Variants in STK32B observed in about 807,000 individuals in gnomAD.
STK32B encodes the protein serine/threonine kinase 32B.
Under a neutral mutation model 52.6 loss-of-function variants are expected in STK32B, and 43 were observed. The observed-to-expected ratio is 0.82, with a 90% CI of 0.64 to 1.05. The LOEUF is 1.05. STK32B is among the 50% of genes least tolerant of loss of function. The pLI is 0.00. For synonymous variants in STK32B, 238 were observed against 204.3 expected (o/e 1.17, Z -1.41); for missense variants, 621 against 534.6 (o/e 1.16, Z -1.59).
In STK32B at chr4:5,317,295, A is replaced by ATATAACATATAACAT. The variant is rs1560313699; in HGVS notation, c.261-13925_261-13924insTATAACATATAACAT. On this transcript the variant is annotated intron_variant, in intron 3 of 11. Coordinates refer to ENST00000282908, the MANE Select transcript of STK32B (RefSeq NM_018401.3). ...AATATATAACATATAACATATATATAATATATAATATATAACATATGTATA... is the reference window on the plus strand; with the variant it reads ...AATATATAACATATAACATATATATATATAACATATAACATATATATAATATATAACATATGTATA... Among the ~76,000 whole-genome samples, 4 of 37,872 alleles carry ATATAACATATAACAT rather than the reference A, an allele frequency of 1.1e-4. 1 individual carries two copies. Among genetic ancestry groups the ATATAACATATAACAT allele is most frequent in the African/African-American group, 6.3e-4 (3 of 4,758 alleles). The allele number at this position is 37,872 out of a possible 152,430, so 24.8% of individuals were successfully genotyped here. A position where few individuals can be genotyped will look rare whatever the true frequency, so the allele number is the denominator to read the frequency against.
At chr4:5,186,583 A>G (rs1251526932) in intron 3 of STK32B, among the ~76,000 whole-genome samples, 1 of 152,140 alleles carries the variant, frequency 6.6e-6, no homozygotes, top group Non-Finnish European at 1.5e-5. Flanking sequence ...CTTAAAAACT[A>G]TAGAGATTTC....
At chr4:5,079,803 C>T (rs367582676) in intron 1 of STK32B, among the ~76,000 whole-genome samples, 18 of 152,106 alleles carry the variant, frequency 1.2e-4, no homozygotes, top group African/African-American at 3.9e-4. Context: ...GGACTATTGC[C>T]ATTTGCTACA....
the STK32B span, among the ~76,000 whole-genome samples, chr4:5,023,534 C>A: frequency 6.6e-6 from 1 of 152,140 alleles, no homozygotes; most frequent in African/African-American, 2.4e-5. Flanking sequence ...CTGGTGCAGG[C>A]CTTCAAATCC....
chr4:5,498,758 C>T lies in STK32B; in HGVS notation c.1107-187C>T, dbSNP rs571071847. 3.9e-5 allele frequency among the ~76,000 whole-genome samples: 6 copies of T among 152,350 alleles called. No homozygotes were observed. In the South Asian group the frequency reaches 1.0e-3, roughly 26 times the overall value. ...AACTCACCCAAGTGCACCTGAGCTG[C>T]GCTTTGATCCGAGGCCCATCTGGCT... On this transcript the variant is annotated intron_variant, in intron 11 of 11. Transcript: ENST00000282908.
intron 3 of STK32B, among the ~76,000 whole-genome samples, chr4:5,293,844 T>C (rs1246933827): frequency 6.6e-6 from 1 of 152,178 alleles, no homozygotes; most frequent in African/African-American, 2.4e-5. Context: ...CTTAGTGTTT[T>C]AGTCATGAAG....
Position 5,211,847 on chromosome 4 carries a change from C to T in STK32B, c.260+43397C>T, listed in dbSNP as rs1031445841. On this transcript the variant is annotated intron_variant, in intron 3 of 11. Coordinates refer to ENST00000282908, the MANE Select transcript of STK32B (RefSeq NM_018401.3). ...TCACGCAAGCTCTAAAATGATCAAG[C>T]GACAAGTCTCTCTGATTTTGTTTTT... 1.9e-4 allele frequency among the ~76,000 whole-genome samples: 29 copies of T among 152,286 alleles called. 1 individual carries two copies. The South Asian group carries it at 4.8e-3, about 25-fold the overall frequency.
At position 5,068,582 on chromosome 4, in the gene STK32B, T is replaced by C. The variant is rs761147676; in HGVS notation, c.52+16667T>C. On this transcript the variant is annotated intron_variant, in intron 1 of 11. Coordinates refer to ENST00000282908, the MANE Select transcript of STK32B (RefSeq NM_018401.3). Reference sequence around the variant, plus strand: ...TTGGTCTCACTTCTTTCTGTATAACTGAAAAGCTCTTTCCCTCATGTTGGC... The same window carrying C: ...TTGGTCTCACTTCTTTCTGTATAACCGAAAAGCTCTTTCCCTCATGTTGGC... Among the ~76,000 whole-genome samples the C allele has an allele frequency of 7.9e-5, 12 of 152,122 alleles. 1 individual carries two copies. The highest frequency in any genetic ancestry group is 1.2e-4 in the African/African-American group (5 of 41,434).
intron 1 of STK32B, among the ~76,000 whole-genome samples, chr4:5,117,535 T>A (rs1423114967): frequency 1.3e-5 from 2 of 152,216 alleles, no homozygotes; most frequent in Non-Finnish European, 2.9e-5. Flanking sequence ...TGTTTCATTT[T>A]ATTGGCTTTT....
chr4:5,216,604 C>T (rs1358449063), intron 3 of STK32B, among the ~76,000 whole-genome samples: 1 of 152,128 alleles, frequency 6.6e-6, no homozygotes, highest in Non-Finnish European at 1.5e-5. Flanking sequence ...CTAATGAGAA[C>T]AGCATGGATG....
chr4:5,120,071 A>G (rs1714941526), intron 1 of STK32B, among the ~76,000 whole-genome samples: 1 of 152,234 alleles, frequency 6.6e-6, no homozygotes, highest in African/African-American at 2.4e-5. Context: ...TCTTCTAAGT[A>G]GCGTGATGAA....
intron 1 of STK32B, among the ~76,000 whole-genome samples, chr4:5,122,075 C>T (rs1266789207): frequency 1.3e-5 from 2 of 152,110 alleles, no homozygotes; most frequent in Non-Finnish European, 2.9e-5. Context: ...AATTCACATA[C>T]TCATTCTCTC....
At chr4:5,423,618 T>C (rs147560904) in intron 6 of STK32B, among the ~76,000 whole-genome samples, 6,756 of 152,322 alleles carry the variant, frequency 0.044, 213 homozygotes, top group Non-Finnish European at 0.068. Flanking sequence ...CCCTGCCTTA[T>C]GGAGCTCACA....
the STK32B span, among the ~76,000 whole-genome samples, chr4:5,021,143 A>G: frequency 1.4e-4 from 21 of 152,334 alleles, no homozygotes; most frequent in South Asian, 3.3e-3. Context: ...ATTTGCCAGG[A>G]GAAATCCCTT....
intron 11 of STK32B, among the ~76,000 whole-genome samples, chr4:5,484,531 A>G (rs1311351577): frequency 6.6e-6 from 1 of 151,388 alleles, no homozygotes; most frequent in Non-Finnish European, 1.5e-5. Flanking sequence ...ATAGGTCTTG[A>G]CTCTTTATCC....
rs1577619930 is a variant in STK32B at position 5,058,494 on chromosome 4, A to G, written c.52+6579A>G. On this transcript the variant is annotated intron_variant, in intron 1 of 11. Transcript: ENST00000282908. This position sits in a 1 kb window ranked among gnomAD's most constrained non-coding sequence, Gnocchi z 4.8. Reference sequence around the variant, plus strand: ...GAGAACAACATGGATCAGAGATCACACTCACTGCTAGCCAGCCTGCACTGA... The same window carrying G: ...GAGAACAACATGGATCAGAGATCACGCTCACTGCTAGCCAGCCTGCACTGA... Among the ~76,000 whole-genome samples the G allele has an allele frequency of 6.6e-6, 1 of 152,188 alleles. No homozygotes were observed. Among genetic ancestry groups the G allele is most frequent in the Admixed American group, 6.5e-5 (1 of 15,276 alleles).
chr4:5,029,626 C>G, the STK32B span, among the ~76,000 whole-genome samples: 1 of 152,158 alleles, frequency 6.6e-6, no homozygotes, highest in East Asian at 1.9e-4. Flanking sequence ...AGCCGGTCCT[C>G]CCCGACGGCT....
At position 5,317,109 on chromosome 4, in the gene STK32B, A is replaced by C. The variant is rs1297069991; in HGVS notation, c.261-14111A>C. Among the ~76,000 whole-genome samples the C allele has an allele frequency of 3.1e-4, 11 of 36,036 alleles. No homozygotes were observed. The South Asian group carries it at 6.0e-3, about 20-fold the overall frequency. 23.6% of individuals were successfully genotyped at this position (36,036 alleles called of 152,430 possible). On this transcript the variant is annotated intron_variant, in intron 3 of 11. Coordinates refer to ENST00000282908, the MANE Select transcript of STK32B (RefSeq NM_018401.3). ...ATATAATATATATGATATAATATAT[A>C]ATATATATAATACATTATAATATAT...
intron 3 of STK32B, among the ~76,000 whole-genome samples, chr4:5,264,351 A>T (rs1312537517): frequency 2.0e-5 from 3 of 151,938 alleles, no homozygotes; most frequent in Admixed American, 6.6e-5. Context: ...GTGCTTTGGT[A>T]TTTCTTTGTG....
chr4:5,417,058 A>C, intron 6 of STK32B, 124 bp downstream of exon 6: 1 of 852,286 alleles, frequency 1.2e-6, no homozygotes, highest in South Asian at 1.8e-5. Context: ...ATGAGGTTCC[A>C]CAGTTCCCAG....
Sources: gnomAD v4.1 joint callset for allele counts (sites outside exome capture counted in the v4.1 genomes callset) on GRCh38, gnomAD v4.1.1 for gene constraint, Gnocchi (gnomAD v3.1) non-coding constraint, MANE v1.5 for transcripts, NCBI Gene and HGNC (gene_info 2026-07-23, HGNC 2026-07-21) for gene names.